Variants in PCDHGB7 observed in about 807,000 individuals in gnomAD.
The protein encoded by PCDHGB7 is protocadherin gamma subfamily B, 7.
PCDHGB7 carries 37 observed loss-of-function variants against 61.4 expected under a neutral mutation model. The observed-to-expected ratio is 0.60, with a 90% CI of 0.46 to 0.79. The LOEUF is 0.79. Among genes scored for constraint, PCDHGB7 ranks in the 30% least tolerant of loss-of-function variants. The pLI is 0.00. For missense variants in PCDHGB7, 1,166 were observed against 1,202.5 expected, an observed-to-expected ratio of 0.97 and a Z score of 0.45; for synonymous variants, 464 against 503.5, an observed-to-expected ratio of 0.92 and a Z score of 1.05.
At position 141,485,184 on chromosome 5, in the gene PCDHGB7, A is replaced by G. The variant is rs1415940980; in HGVS notation, c.2416-9623A>G. ...TAGCGGGCGGCAGCAATGCTCCGCA[A>G]GGTGAGAAGCTGGACAGAAATCTGG... On this transcript the variant is annotated intron_variant, in intron 1 of 3. Transcript: ENST00000398594. This position sits in a 1 kb window ranked among gnomAD's most constrained non-coding sequence, Gnocchi z 5.7. The G allele has an allele frequency of 6.2e-7, 1 of 1,613,152 alleles. No individual in the cohort carries two copies. The highest frequency in any genetic ancestry group is 1.3e-5 in the African/African-American group (1 of 74,938).
chr5:141,433,168 T>A, intron 1 of PCDHGB7: 6 of 1,613,438 alleles, frequency 3.7e-6, no homozygotes, highest in Non-Finnish European at 3.4e-6. Context: ...CTAAAGACAG[T>A]CATGGGTTAA....
At chr5:141,421,449 G>A (rs2096574013) in intron 1 of PCDHGB7, 2 of 1,614,010 alleles carry the variant, frequency 1.2e-6, no homozygotes, top group African/African-American at 1.3e-5. Flanking sequence ...GGAAGACACA[G>A]CTTTTCGCTG....
intron 3 of PCDHGB7, among the ~76,000 whole-genome samples, chr5:141,506,444 CAAAAAAAAAA>C (rs1219684339): frequency 8.4e-5 from 8 of 95,030 alleles, no homozygotes; most frequent in Non-Finnish European, 1.3e-4. Context: ...CGCTCTGTCT[CAAAAAAAAAA>C]AAAAAAAAAA....
At chr5:141,448,786 A>G (rs1354591718) in intron 1 of PCDHGB7, among the ~76,000 whole-genome samples, 1 of 148,848 alleles carries the variant, frequency 6.7e-6, no homozygotes, top group African/African-American at 2.5e-5. Context: ...TAAAAATACA[A>G]AAAAAAAAAT....
chr5:141,430,756 A>G (rs747363475), intron 1 of PCDHGB7: 1 of 1,503,228 alleles, frequency 6.7e-7, no homozygotes, highest in Non-Finnish European at 8.9e-7. Flanking sequence ...GGAGGAAGAT[A>G]AGAATGATTC....
At chr5:141,445,964 T>C (rs1199096510) in intron 1 of PCDHGB7, among the ~76,000 whole-genome samples, 2 of 152,280 alleles carry the variant, frequency 1.3e-5, no homozygotes, top group South Asian at 4.1e-4. Context: ...ATATGGAGAA[T>C]TGATTTATGA....
At chr5:141,509,376 C>A (rs2099876528) in intron 3 of PCDHGB7, among the ~76,000 whole-genome samples, 1 of 152,122 alleles carries the variant, frequency 6.6e-6, no homozygotes, top group African/African-American at 2.4e-5. Flanking sequence ...TTAACTGTCT[C>A]CTAACCACAG....
chr5:141,427,883 C>G (rs2097084423), intron 1 of PCDHGB7: 3 of 1,563,818 alleles, frequency 1.9e-6, no homozygotes, highest in Non-Finnish European at 1.7e-6. Flanking sequence ...TGCAGGCCCA[C>G]GACCAGGGCT....
At chr5:141,441,744 G>A (rs913393900) in intron 1 of PCDHGB7, 7 of 366,408 alleles carry the variant, frequency 1.9e-5, no homozygotes, top group African/African-American at 1.1e-4. Context: ...GCTCGCGCTC[G>A]GCGTCAACGT....
intron 1 of PCDHGB7, among the ~76,000 whole-genome samples, chr5:141,471,076 T>C (rs1463083616): frequency 1.5e-5 from 2 of 136,094 alleles, no homozygotes; most frequent in Non-Finnish European, 3.1e-5. Context: ...TGAGACAGGG[T>C]CTCCCTCTGT....
In PCDHGB7 at chr5:141,477,825, C is replaced by A; in HGVS notation, c.2416-16982C>A. The A allele has an allele frequency of 2.5e-6, 4 of 1,614,174 alleles. No individual in the cohort carries two copies. The South Asian group carries it at 4.4e-5, about 18-fold the overall frequency. On this transcript the variant is annotated intron_variant, in intron 1 of 3. Transcript: ENST00000398594. This position sits in a 1 kb window ranked among gnomAD's most constrained non-coding sequence, Gnocchi z 4.9. ...GACAATGCCCCCCAGGTCCTATATC[C>A]TCGGCCAGGTGGGAGCTCGGTGGAG...
chr5:141,421,515 C>A, intron 1 of PCDHGB7: 3 of 1,614,080 alleles, frequency 1.9e-6, no homozygotes, highest in Non-Finnish European at 2.5e-6. Context: ...GGGAGGAGCT[C>A]TGTGAGACGG....
Position 141,478,910 on chromosome 5 carries a change from A to G in PCDHGB7, c.2416-15897A>G, listed in dbSNP as rs568573298. On this transcript the variant is annotated intron_variant, in intron 1 of 3. Transcript: ENST00000398594. ...ATTTACATTAGGAATAAGCTGCTGG[A>G]TACCTCTAACCAGTGGCAGCTTCTA... 5.3e-4 allele frequency: 474 copies of G among 893,806 alleles called. 7 individuals are homozygous for G. The South Asian group carries it at 6.8e-3, about 13-fold the overall frequency. 55.4% of individuals were successfully genotyped at this position (893,806 alleles called of 1,614,324 possible).
Position 141,491,547 on chromosome 5 carries a change from G to C in PCDHGB7, c.2416-3260G>C. On this transcript the variant is annotated intron_variant, in intron 1 of 3. Coordinates refer to ENST00000398594, the MANE Select transcript of PCDHGB7 (RefSeq NM_018927.4). This position sits in a 1 kb window ranked among gnomAD's most constrained non-coding sequence, Gnocchi z 6.9. Reference sequence around the variant, plus strand: ...AGGTGACGCTGCGGCCCACAGACTCGCAGAGCCACTGCTACAGGACGTGCT... The same window carrying C: ...AGGTGACGCTGCGGCCCACAGACTCCCAGAGCCACTGCTACAGGACGTGCT... 6.2e-7 allele frequency: 1 copy of C among 1,613,974 alleles called. No individual in the cohort carries two copies. The highest frequency in any genetic ancestry group is 8.5e-7 in the Non-Finnish European group (1 of 1,180,022).
intron 1 of PCDHGB7, among the ~76,000 whole-genome samples, chr5:141,474,062 C>G (rs745636246): frequency 6.6e-6 from 1 of 152,104 alleles, no homozygotes; most frequent in Non-Finnish European, 1.5e-5. Flanking sequence ...AGAGCGAGAT[C>G]CTGCCTCAGA....
rs368371918 is a variant in PCDHGB7 at position 141,432,800 on chromosome 5, C to G, written c.2415+12526C>G. Reference sequence around the variant, plus strand: ...GGCGGACCTCGGCAGCCTCGAGTCTCCAGCTAACTCTGAAACCTCAGACCT... The same window carrying G: ...GGCGGACCTCGGCAGCCTCGAGTCTGCAGCTAACTCTGAAACCTCAGACCT... On this transcript the variant is annotated intron_variant, in intron 1 of 3. Coordinates refer to ENST00000398594, the MANE Select transcript of PCDHGB7 (RefSeq NM_018927.4). This position sits in a 1 kb window ranked among gnomAD's most constrained non-coding sequence, Gnocchi z 6.0. The G allele has an allele frequency of 9.9e-6, 16 of 1,614,038 alleles. No individual in the cohort carries two copies. Among genetic ancestry groups the G allele is most frequent in the Non-Finnish European group, 1.3e-5 (15 of 1,180,016 alleles).
chr5:141,462,125 A>G (rs918645911), intron 1 of PCDHGB7, among the ~76,000 whole-genome samples: 24 of 151,688 alleles, frequency 1.6e-4, no homozygotes, highest in African/African-American at 5.6e-4. Flanking sequence ...ACCCAGTCCA[A>G]TTTTTTGTAT....
At chr5:141,437,761 C>T (rs1200327020) in intron 1 of PCDHGB7, among the ~76,000 whole-genome samples, 1 of 144,680 alleles carries the variant, frequency 6.9e-6, no homozygotes, top group African/African-American at 2.6e-5. Context: ...TTTTTTGAGA[C>T]AGAGTCTCAA....
intron 1 of PCDHGB7, among the ~76,000 whole-genome samples, chr5:141,482,188 G>C (rs1178289472): frequency 2.6e-5 from 4 of 152,122 alleles, no homozygotes; most frequent in African/African-American, 9.7e-5. Context: ...CGATGCTCCA[G>C]TTCTAGTAAA....
Sources: gnomAD v4.1 joint callset for allele counts (sites outside exome capture counted in the v4.1 genomes callset) on GRCh38, gnomAD v4.1.1 for gene constraint, Gnocchi (gnomAD v3.1) non-coding constraint, MANE v1.5 for transcripts, NCBI Gene and HGNC (gene_info 2026-07-23, HGNC 2026-07-21) for gene names.